Variants in LRRC43 observed in about 807,000 individuals in gnomAD.
LRRC43 encodes the protein leucine-rich repeat-containing protein 43.
A neutral mutation model predicts 64.3 loss-of-function variants in LRRC43; 62 were observed. The ratio of observed to expected loss-of-function variants is 0.96; its 90% CI spans 0.79 to 1.19. The LOEUF (loss-of-function observed/expected upper bound fraction) is 1.19, where lower values mean the gene tolerates loss of function less well. LRRC43 is among the 50% of genes most tolerant of loss of function. The probability of loss-of-function intolerance (pLI) is 0.00; values close to 1 mark genes in which losing one functional copy is unlikely to be tolerated. For synonymous variants in LRRC43, 422 were observed against 382.3 expected (o/e 1.10, Z -1.21); for missense variants, 868 against 845.0 (o/e 1.03, Z -0.34).
chr12:122,192,822 CA>C lies in LRRC43; in HGVS notation c.1168del (p.Ile390LeufsTer48). 1 of 1,610,698 alleles carries C rather than the reference CA, an allele frequency of 6.2e-7. No homozygotes were observed. The highest frequency in any genetic ancestry group is 8.5e-7 in the Non-Finnish European group (1 of 1,179,992). On this transcript the variant is annotated frameshift_variant, in exon 7 of 12. Transcript: ENST00000339777. LOFTEE classifies it high-confidence loss of function. ...AGGTCGTGGAAGACGTCATCGAAGACATTGTTGAAGAGGTTACTGAAGAGGT... is the reference window on the plus strand; with the variant it reads ...AGGTCGTGGAAGACGTCATCGAAGACTTGTTGAAGAGGTTACTGAAGAGGT... ...EEVVEDVIED[I>X]VEEVTEEVEG... is the part of the protein sequence containing the mutation.
At chr12:122,190,042 C>G (rs1331910247) in intron 4 of LRRC43, 88 bp from the exon 5 acceptor site, 1 of 1,086,494 alleles carries the variant, frequency 9.2e-7, no homozygotes, top group Non-Finnish European at 1.4e-6. Flanking sequence ...ATCCTTAGCC[C>G]CAGGCTCCCC....
intron 7 of LRRC43, among the ~76,000 whole-genome samples, chr12:122,197,311 T>A (rs1313950897): frequency 7.0e-6 from 1 of 143,376 alleles, no homozygotes; most frequent in Non-Finnish European, 1.5e-5. Flanking sequence ...CAGATGCATG[T>A]CACCACCCCT....
At position 122,190,230 on chromosome 12, in the gene LRRC43, C is replaced by T; in HGVS notation, c.763C>T (p.Leu255=). ...CCTCCGGCACCTGCGACTCCTGGTG[C>T]TGCAGGGAAACCCACTGGCCTTGGT... ...RTLRHLRLLV[L]QGNPLALVPY... is the part of the protein sequence containing the mutation. The change falls in exon 5 of 12, where the codon CTG becomes TTG. Residue 255 remains leucine, a synonymous_variant. Coordinates refer to ENST00000339777, the MANE Select transcript of LRRC43 (RefSeq NM_001098519.2). The T allele has an allele frequency of 6.2e-7, 1 of 1,614,164 alleles. No individual in the cohort carries two copies. The highest frequency in any genetic ancestry group is 8.5e-7 in the Non-Finnish European group (1 of 1,180,010).
chr12:122,184,855 C>G lies in LRRC43; in HGVS notation c.411+76C>G. The G allele has an allele frequency of 6.8e-7, 1 of 1,481,222 alleles. No individual in the cohort carries two copies. The highest frequency in any genetic ancestry group is 9.2e-7 in the Non-Finnish European group (1 of 1,090,590). 91.8% of individuals were successfully genotyped at this position (1,481,222 alleles called of 1,614,324 possible). ...GGAGGTTGTGGGGAGGGCACCCTTC[C>G]CCACAGCGCGTCAGGGATCCTGCTT... On this transcript the variant is annotated intron_variant, in intron 2 of 11. Coordinates refer to ENST00000339777, the MANE Select transcript of LRRC43 (RefSeq NM_001098519.2). This position sits in a 1 kb window ranked among gnomAD's most constrained non-coding sequence, Gnocchi z 4.0.
At chr12:122,201,608 C>T (rs1296050702) in intron 11 of LRRC43, among the ~76,000 whole-genome samples, 2 of 152,194 alleles carry the variant, frequency 1.3e-5, no homozygotes, top group Non-Finnish European at 2.9e-5. Context: ...CATCTGGTTC[C>T]GAGGTGTCTG....
rs1953620522 is a variant in LRRC43 at position 122,184,644 on chromosome 12, C to A, written c.276C>A (p.His92Gln). The A allele has an allele frequency of 6.2e-7, 1 of 1,614,008 alleles. No individual in the cohort carries two copies. Among genetic ancestry groups the A allele is most frequent in the Non-Finnish European group, 8.5e-7 (1 of 1,179,898 alleles). Residue 92 changes from histidine to glutamine, a missense_variant, in exon 2 of 12, where the codon CAC (histidine) becomes CAA (glutamine). His to Gln is a conservative substitution (Grantham distance 24). Transcript: ENST00000339777. The surrounding 1 kb of genome is among the most constrained non-coding windows in gnomAD (Gnocchi z 4.0). ...TGCTGGGCCTGGTCCGCAGCCGCCA[C>A]TCCCCCTGGGCTCTGCTGAACAACT... ...EALLGLVRSR[H>Q]SPWALLNNSN...
At chr12:122,172,753 G>A (rs1371500913) in intron 1 of LRRC43, 16 of 1,589,960 alleles carry the variant, frequency 1.0e-5, no homozygotes, top group Non-Finnish European at 1.2e-5. Context: ...TGTGGAATGA[G>A]GAGAAATGGT....
chr12:122,194,787 G>C (rs1431731464), intron 7 of LRRC43, among the ~76,000 whole-genome samples: 1 of 151,914 alleles, frequency 6.6e-6, no homozygotes, highest in Non-Finnish European at 1.5e-5. Context: ...TCATTTTCTT[G>C]CTCCAGTATG....
Position 122,200,923 on chromosome 12 carries a change from A to C in LRRC43, c.1798A>C (p.Thr600Pro), listed in dbSNP as rs1174942229. ...CCGCACATTGACATCTGACAGGCTG[A>C]CGTTGGCCAGGGTACAGCCGGGCCC... ...VVRTLTSDRL[T>P]LARDSKKIKK... The change falls in exon 10 of 12, where the codon ACG becomes CCG. Residue 600 changes from threonine (T) to proline (P), a missense_variant. By Grantham distance (38) the Thr-to-Pro change is conservative. Transcript: ENST00000339777. This position sits in a 1 kb window ranked among gnomAD's most constrained non-coding sequence, Gnocchi z 4.6. The C allele has an allele frequency of 6.2e-7, 1 of 1,602,362 alleles. No homozygotes were observed. Among genetic ancestry groups the C allele is most frequent in the South Asian group, 1.1e-5 (1 of 89,304 alleles).
intron 2 of LRRC43, 34 bp from the exon 3 acceptor site, chr12:122,186,156 G>T (rs1209320261): frequency 7.9e-7 from 1 of 1,269,074 alleles, no homozygotes; most frequent in Admixed American, 1.9e-5. Context: ...TCCCTCTCCT[G>T]CTACAGCCCT....
intron 4 of LRRC43, 52 bp from the exon 5 acceptor site, chr12:122,190,078 C>G: frequency 6.8e-7 from 1 of 1,473,468 alleles, no homozygotes; most frequent in Admixed American, 1.7e-5. Context: ...AGGCTGCTTG[C>G]CCCCTGCTCA....
At chr12:122,193,447 A>T (rs1312860750) in intron 7 of LRRC43, among the ~76,000 whole-genome samples, 1 of 143,218 alleles carries the variant, frequency 7.0e-6, no homozygotes, top group East Asian at 2.3e-4. Flanking sequence ...CGGCATTTAG[A>T]TTTCGTGTTC....
chr12:122,186,255 T>C lies in LRRC43; in HGVS notation c.477T>C (p.Asn159=). The change falls in exon 3 of 12, where the codon AAT becomes AAC. Residue 159 remains asparagine, a synonymous_variant. Transcript: ENST00000339777. ...TGGAGGAGTTGGTACTGAGCGCCAA[T>C]CGAATCAAGGAGGTGGATGCCACCA... ...LKLEELVLSA[N]RIKEVDATNL... 1 of 1,606,296 alleles carries C rather than the reference T, an allele frequency of 6.2e-7. No homozygotes were observed. Among genetic ancestry groups the C allele is most frequent in the Non-Finnish European group, 8.5e-7 (1 of 1,176,788 alleles).
chr12:122,203,290 C>G, intron 11 of LRRC43, 25 bp from the exon 12 acceptor site: 1 of 1,606,300 alleles, frequency 6.2e-7, no homozygotes, highest in Non-Finnish European at 8.5e-7. Flanking sequence ...TCCCGGGGCT[C>G]ATGCTCGCAC....
intron 7 of LRRC43, among the ~76,000 whole-genome samples, chr12:122,195,796 A>G (rs1157189702): frequency 6.6e-6 from 1 of 152,148 alleles, no homozygotes; most frequent in Non-Finnish European, 1.5e-5. Flanking sequence ...CAAATTTTGG[A>G]AGTTTTCAGC....
chr12:122,201,114 G>A (rs958246881), intron 10 of LRRC43, among the ~76,000 whole-genome samples, 180 bp downstream of exon 10: 5 of 152,204 alleles, frequency 3.3e-5, no homozygotes, highest in East Asian at 1.9e-4. Context: ...GGGCGCCTCC[G>A]TGGACTTTGG....
rs1313886456 is a variant in LRRC43, at chr12:122,187,724, G to A, written c.546G>A (p.Glu182=). Residue 182 remains glutamate, a synonymous_variant, in exon 4 of 12, where the codon GAG becomes GAA. Transcript: ENST00000339777. The stretch of plus-strand genomic sequence containing the variant: ...AGGTGCTGGAGCTCTACGGCAATGA[G>A]ATCAGCAGCATGGAGTGTCTGTGTG... ...TLKVLELYGN[E]ISSMECLCAH... 1 of 1,613,914 alleles carries A rather than the reference G, an allele frequency of 6.2e-7. No homozygotes were observed. Among genetic ancestry groups the A allele is most frequent in the Non-Finnish European group, 8.5e-7 (1 of 1,180,036 alleles).
Position 122,200,105 on chromosome 12 carries a change from G to T in LRRC43, c.1350-84G>T, listed in dbSNP as rs1953817597. On this transcript the variant is annotated intron_variant, in intron 7 of 11. Coordinates refer to ENST00000339777, the MANE Select transcript of LRRC43 (RefSeq NM_001098519.2). The surrounding 1 kb of genome is among the most constrained non-coding windows in gnomAD (Gnocchi z 4.6). The stretch of plus-strand genomic sequence containing the variant: ...GGCTTCGATGCTCGTGGTCTCCTCG[G>T]ATGTCCCCTCACAGTCCTGTCCCGG... 2.7e-6 allele frequency: 4 copies of T among 1,461,608 alleles called. No homozygotes were observed. Among genetic ancestry groups the T allele is most frequent in the Non-Finnish European group, 3.7e-6 (4 of 1,070,590 alleles). 90.5% of individuals were successfully genotyped at this position (1,461,608 alleles called of 1,614,324 possible). A position where few individuals can be genotyped will look rare whatever the true frequency, so the allele number is the denominator to read the frequency against.
rs750136239 is a variant in LRRC43 at position 122,184,674 on chromosome 12, T to C, written c.306T>C (p.Asn102=). Residue 102 remains asparagine, a synonymous_variant, in exon 2 of 12, where the codon AAT becomes AAC. Coordinates refer to ENST00000339777, the MANE Select transcript of LRRC43 (RefSeq NM_001098519.2). The surrounding 1 kb of genome is among the most constrained non-coding windows in gnomAD (Gnocchi z 4.0). ...CCTGGGCTCTGCTGAACAACTCGAATGCAGAAGACAGTTTCCTGAGAGAAT... is the reference window on the plus strand; with the variant it reads ...CCTGGGCTCTGCTGAACAACTCGAACGCAGAAGACAGTTTCCTGAGAGAAT... The part of the protein sequence containing the change: ...HSPWALLNNS[N]AEDSFLRELA... 6.2e-7 allele frequency: 1 copy of C among 1,613,992 alleles called. No homozygotes were observed. Among genetic ancestry groups the C allele is most frequent in the African/African-American group, 1.3e-5 (1 of 75,034 alleles).
Sources: gnomAD v4.1 joint callset for allele counts (sites outside exome capture counted in the v4.1 genomes callset) on GRCh38, gnomAD v4.1.1 for gene constraint, Gnocchi (gnomAD v3.1) non-coding constraint, MANE v1.5 for transcripts, NCBI Gene and HGNC (gene_info 2026-07-23, HGNC 2026-07-21) for gene names.